IL3RA: variants seen among roughly 807,000 people sequenced by gnomAD.
The protein encoded by IL3RA is interleukin 3 receptor subunit alpha.
In IL3RA, 73 loss-of-function variants were observed where a neutral mutation model predicts 52.3. The observed-to-expected ratio is 1.40, with a 90% CI of 1.16 to 1.70. IL3RA has a LOEUF of 1.70. Ranked by LOEUF, IL3RA falls within the 40% of genes most tolerant of loss-of-function variation. IL3RA has a pLI of 0.00. For missense variants in IL3RA, 664 were observed against 504.4 expected, an observed-to-expected ratio of 1.32 and a Z score of -3.03; for synonymous variants, 260 against 194.0, an observed-to-expected ratio of 1.34 and a Z score of -2.83.
intron 4 of IL3RA, among the ~76,000 whole-genome samples, chrX:1,349,707 G>C (rs1176528831): frequency 1.3e-5 from 2 of 151,942 alleles, no homozygotes; most frequent in African/African-American, 2.4e-5. Context: ...TTGTCGCCCA[G>C]GCTGGAGTGC....
chrX:1,338,082 T>A (rs1207774993), intron 1 of IL3RA, among the ~76,000 whole-genome samples: 1 of 151,380 alleles, frequency 6.6e-6, no homozygotes, highest in African/African-American at 2.4e-5. Context: ...CAAGCAGCTT[T>A]ATTCACAATA....
chrX:1,354,392 A>G (rs2148998263), intron 6 of IL3RA, among the ~76,000 whole-genome samples: 1 of 151,412 alleles, frequency 6.6e-6, no homozygotes, highest in Non-Finnish European at 1.5e-5. Context: ...CCCTGAACCC[A>G]AGGGCAGGGT....
intron 9 of IL3RA, among the ~76,000 whole-genome samples, chrX:1,377,367 A>T (rs1250064393): frequency 2.0e-5 from 3 of 150,832 alleles, no homozygotes; most frequent in Non-Finnish European, 4.4e-5. Flanking sequence ...CAGCCTTCTG[A>T]GTAGCTGGGA....
At chrX:1,362,769 T>TTTTATTTATTTATTTA (rs757287987) in intron 8 of IL3RA, among the ~76,000 whole-genome samples, 5 of 149,176 alleles carry the variant, frequency 3.4e-5, no homozygotes, top group African/African-American at 1.2e-4. Flanking sequence ...CGTGTCTCCT[T>TTTTATTTATTTATTTA]TTTATTTATT....
At chrX:1,344,423 G>C (rs1232415985) in intron 2 of IL3RA, among the ~76,000 whole-genome samples, 6 of 150,272 alleles carry the variant, frequency 4.0e-5, no homozygotes, top group African/African-American at 1.5e-4. Context: ...GACAGAGTGA[G>C]ACTCCGTCTC....
chrX:1,361,398 G>A (rs377156638), intron 8 of IL3RA, among the ~76,000 whole-genome samples: 1 of 152,052 alleles, frequency 6.6e-6, no homozygotes, highest in Non-Finnish European at 1.5e-5. Context: ...GAGGCCTCAC[G>A]ATCACGGCAG....
chrX:1,356,875 T>C (rs2086773710), intron 7 of IL3RA, among the ~76,000 whole-genome samples: 1 of 152,092 alleles, frequency 6.6e-6, no homozygotes, highest in African/African-American at 2.4e-5. Context: ...CTTTCTTTTT[T>C]CTTTTGTAGT....
At chrX:1,358,061 T>C (rs1370324394) in intron 7 of IL3RA, among the ~76,000 whole-genome samples, 1 of 150,730 alleles carries the variant, frequency 6.6e-6, no homozygotes, top group Non-Finnish European at 1.5e-5. Context: ...GCTGAGATTG[T>C]GCCACTGCAC....
chrX:1,354,643 G>GAAAA (rs2086494524), intron 6 of IL3RA, among the ~76,000 whole-genome samples: 1 of 83,668 alleles, frequency 1.2e-5, no homozygotes, highest in Non-Finnish European at 2.5e-5. Flanking sequence ...GGAGGGGGAG[G>GAAAA]AGGTGGAGAT....
chrX:1,349,580 G>C (rs1229653084), intron 4 of IL3RA, among the ~76,000 whole-genome samples: 1 of 152,104 alleles, frequency 6.6e-6, no homozygotes, highest in Non-Finnish European at 1.5e-5. Context: ...CCAAAGTGCA[G>C]GGATTGTAAG....
At chrX:1,361,335 G>T (rs2087337200) in intron 8 of IL3RA, among the ~76,000 whole-genome samples, 1 of 152,020 alleles carries the variant, frequency 6.6e-6, no homozygotes, top group African/African-American at 2.4e-5. Context: ...CCCAAGACTG[G>T]GTAATTTATA....
At chrX:1,344,735 T>C (rs1427302087) in intron 2 of IL3RA, among the ~76,000 whole-genome samples, 2 of 151,524 alleles carry the variant, frequency 1.3e-5, no homozygotes, top group East Asian at 1.9e-4. Context: ...ATCGTGCCAC[T>C]GCACTCCAGC....
chrX:1,366,268 G>A (rs1603448332), intron 9 of IL3RA, among the ~76,000 whole-genome samples: 1 of 53,470 alleles, frequency 1.9e-5, no homozygotes, highest in East Asian at 5.6e-4. Context: ...TGCGCGGGGT[G>A]AGCCGGGTGA....
intron 8 of IL3RA, among the ~76,000 whole-genome samples, chrX:1,361,955 A>G (rs1326678130): frequency 6.6e-6 from 1 of 151,764 alleles, no homozygotes; most frequent in Non-Finnish European, 1.5e-5. Context: ...TTGGGTGGGG[A>G]CACAGCCAAA....
chrX:1,353,949 C>CA (rs2086383575), intron 6 of IL3RA, among the ~76,000 whole-genome samples: 1 of 99,414 alleles, frequency 1.0e-5, no homozygotes, highest in South Asian at 3.4e-4. Context: ...TGGGACCCCC[C>CA]CCCCCATCAT....
chrX:1,355,335 T>TGGA (rs1246435998), intron 6 of IL3RA, among the ~76,000 whole-genome samples: 1 of 57,982 alleles, frequency 1.7e-5, no homozygotes, highest in Non-Finnish European at 3.5e-5. Context: ...GAAAGGAGAG[T>TGGA]GGAGGAGGAG....
At chrX:1,364,562 C>T (rs767889990) in intron 8 of IL3RA, among the ~76,000 whole-genome samples, 18 of 152,012 alleles carry the variant, frequency 1.2e-4, no homozygotes, top group Non-Finnish European at 2.5e-4. Flanking sequence ...TCTCAAACTC[C>T]TAAGCTCGAG....
At chrX:1,366,245 GGGGTGAGCCGGGTGCGCGGGGTGAGCC>G (rs1286278384) in intron 9 of IL3RA, among the ~76,000 whole-genome samples, 1 of 39,158 alleles carries the variant, frequency 2.6e-5, no homozygotes, top group African/African-American at 1.9e-4. Flanking sequence ...CGGGGTGCGC[GGGGTGAGCCGGGTGCGCGGGGTGAGCC>G]GGGTGAGCCG....
intron 3 of IL3RA, among the ~76,000 whole-genome samples, chrX:1,345,913 G>A (rs1260205500): frequency 6.6e-6 from 1 of 152,008 alleles, no homozygotes. Flanking sequence ...TGTGGGATTT[G>A]AAGTGACTTT....
Sources: allele counts gnomAD v4.1 joint callset (sites outside exome capture counted in the v4.1 genomes callset), GRCh38; gene constraint gnomAD v4.1.1; transcripts MANE v1.5; gene names NCBI Gene and HGNC (gene_info 2026-07-23, HGNC 2026-07-21).